GNG2: variants seen among roughly 807,000 people sequenced by gnomAD.
GNG2 encodes G protein subunit gamma 2, also known as guanine nucleotide-binding protein G(I)/G(S)/G(O) subunit gamma-2.
A neutral mutation model predicts 5.5 loss-of-function variants in GNG2; 5 were observed. That is an observed-to-expected ratio of 0.91 (90% CI 0.48 to 1.92). The LOEUF is 1.92. Among genes scored for constraint, GNG2 ranks in the 30% most tolerant of loss-of-function variants. GNG2 has a pLI of 0.01. For synonymous variants in GNG2, 28 were observed against 32.0 expected, an observed-to-expected ratio of 0.88 and a Z score of 0.42; for missense variants, 55 against 88.4, an observed-to-expected ratio of 0.62 and a Z score of 1.52.
At position 51,860,735 on chromosome 14, in the gene GNG2, G is replaced by A. The variant is rs1045225472; in HGVS notation, c.-126G>A. On this transcript the variant is annotated 5_prime_UTR_variant, in exon 1 of 4. Coordinates refer to ENST00000556766, the MANE Select transcript of GNG2 (RefSeq NM_053064.5). ...GGCTGCGCCGGAGCTCGCCTGCACA[G>A]ATCAGCTCCGGAGAGGGGAAAACCA... is the stretch of plus-strand genomic sequence containing the variant. 1.3e-5 allele frequency: 2 copies of A among 152,318 alleles called. No individual in the cohort carries two copies. The highest frequency in any genetic ancestry group is 4.8e-5 in the African/African-American group (2 of 41,448). The allele number at this position is 152,318 out of a possible 1,614,324, so 9.4% of individuals were successfully genotyped here. A position where few individuals can be genotyped will look rare whatever the true frequency, so the allele number is the denominator to read the frequency against.
intron 2 of GNG2, among the ~76,000 whole-genome samples, chr14:51,902,070 G>C (rs1402386110): frequency 2.7e-5 from 4 of 147,434 alleles, no homozygotes; most frequent in Non-Finnish European, 6.0e-5. Flanking sequence ...TTAGGATATA[G>C]TTAATTCAGC....
chr14:51,943,129 TG>T (rs1417758876), intron 2 of GNG2, among the ~76,000 whole-genome samples: 1 of 152,198 alleles, frequency 6.6e-6, no homozygotes, highest in Non-Finnish European at 1.5e-5. Flanking sequence ...AAAGCCAGTG[TG>T]GGCCCTACAA....
intron 3 of GNG2, among the ~76,000 whole-genome samples, chr14:51,954,111 A>G (rs911537098): frequency 6.6e-6 from 1 of 152,130 alleles, no homozygotes; most frequent in African/African-American, 2.4e-5. Flanking sequence ...TATGAATAAC[A>G]TAGTTACATG....
At chr14:51,873,309 A>G (rs1017234650) in intron 1 of GNG2, among the ~76,000 whole-genome samples, 5 of 152,236 alleles carry the variant, frequency 3.3e-5, no homozygotes, top group Non-Finnish European at 7.3e-5. Flanking sequence ...TTTAAAAAAC[A>G]AACACACTCA....
intron 2 of GNG2, among the ~76,000 whole-genome samples, chr14:51,906,849 G>C (rs1333718373): frequency 6.9e-6 from 1 of 144,090 alleles, no homozygotes. Context: ...TCCGCCTCCA[G>C]AGTTCACGCC....
upstream of GNG2, among the ~76,000 whole-genome samples, chr14:51,856,976 T>TC (rs1471686079): frequency 6.6e-6 from 1 of 152,166 alleles, no homozygotes; most frequent in African/African-American, 2.4e-5. Context: ...TTCCTTTTCC[T>TC]CCCCTCACTC....
chr14:51,892,614 T>C (rs887518917), intron 2 of GNG2, among the ~76,000 whole-genome samples: 5 of 152,192 alleles, frequency 3.3e-5, no homozygotes, highest in Non-Finnish European at 5.9e-5. Context: ...CTTTATTTTC[T>C]TTATCAGGTA....
chr14:51,911,545 C>CTT (rs200362776), intron 2 of GNG2, among the ~76,000 whole-genome samples: 256 of 143,014 alleles, frequency 1.8e-3, no homozygotes, highest in Non-Finnish European at 3.1e-3. Flanking sequence ...ATAATGATAG[C>CTT]TTTTTTTTTT....
At chr14:51,862,044 A>G (rs985569450) in intron 1 of GNG2, among the ~76,000 whole-genome samples, 1 of 152,206 alleles carries the variant, frequency 6.6e-6, no homozygotes. Context: ...TTGAGAGTGT[A>G]TGTATGTATA....
intron 2 of GNG2, among the ~76,000 whole-genome samples, chr14:51,935,316 C>T (rs7156066): frequency 0.29 from 43,562 of 151,822 alleles, 6,837 homozygotes; most frequent in Middle Eastern, 0.37. Context: ...TGAGCCACCA[C>T]GCCCAGCCCA....
rs1889979916 is a variant in GNG2, at chr14:51,967,196, C to T, written c.*509C>T. 1 of 154,598 alleles carries T rather than the reference C, an allele frequency of 6.5e-6. No individual in the cohort carries two copies. Among genetic ancestry groups the T allele is most frequent in the Non-Finnish European group, 1.4e-5 (1 of 69,772 alleles). 9.6% of individuals were successfully genotyped at this position (154,598 alleles called of 1,614,324 possible). On this transcript the variant is annotated 3_prime_UTR_variant, in exon 4 of 4. Transcript: ENST00000556766. Reference sequence around the variant, plus strand: ...CCTTCTCCTCTACCCCTCCTTCCACCCCTCCCCATTAGAGTAGTGTGGAGA... The same window carrying T: ...CCTTCTCCTCTACCCCTCCTTCCACTCCTCCCCATTAGAGTAGTGTGGAGA...
intron 1 of GNG2, among the ~76,000 whole-genome samples, chr14:51,866,511 A>G (rs1882900651): frequency 6.6e-6 from 1 of 152,116 alleles, no homozygotes; most frequent in Non-Finnish European, 1.5e-5. Flanking sequence ...TTTATTTTAG[A>G]TCATTTGAAT....
chr14:51,896,548 A>G (rs1319779392), intron 2 of GNG2, among the ~76,000 whole-genome samples: 1 of 152,210 alleles, frequency 6.6e-6, no homozygotes, highest in Non-Finnish European at 1.5e-5. Flanking sequence ...CCATAGAAAG[A>G]AGCCTAAGAG....
chr14:51,899,872 T>C lies in GNG2; in HGVS notation c.-30+22215T>C, dbSNP rs537222073. Among the ~76,000 whole-genome samples, 4 of 152,340 alleles carry C rather than the reference T, an allele frequency of 2.6e-5. No individual in the cohort carries two copies. The South Asian group carries it at 6.2e-4, about 24-fold the overall frequency. On this transcript the variant is annotated intron_variant, in intron 2 of 3. Coordinates refer to ENST00000556766, the MANE Select transcript of GNG2 (RefSeq NM_053064.5). ...CTTTTCACAGTGCAATAATATTCCA[T>C]TGGAAGTATTTGTCATGTTTTGTTT...
intron 2 of GNG2, chr14:51,916,328 G>T (rs1886618150): frequency 2.2e-5 from 8 of 358,356 alleles, no homozygotes; most frequent in South Asian, 1.0e-4. Flanking sequence ...TCCATTATTT[G>T]CCCCGTAGAG....
intron 2 of GNG2, among the ~76,000 whole-genome samples, chr14:51,844,659 G>C (rs1056691977): frequency 6.6e-6 from 1 of 152,168 alleles, no homozygotes; most frequent in African/African-American, 2.4e-5. Flanking sequence ...ACCTACCATA[G>C]TTTCCAGCTG....
rs941051509 is a variant in GNG2, at chr14:51,918,037, C to G, written c.-29-32613C>G. Among the ~76,000 whole-genome samples the G allele has an allele frequency of 7.5e-5, 7 of 93,886 alleles. No individual in the cohort carries two copies. In the East Asian group the frequency reaches 1.6e-3, roughly 21 times the overall value. 61.6% of individuals were successfully genotyped at this position (93,886 alleles called of 152,430 possible). A position where few individuals can be genotyped will look rare whatever the true frequency, so the allele number is the denominator to read the frequency against. ...AGAGACTCCATCTCAAAAAACAAAC[C>G]AAAAAAAAAAAAAAAAACTGATAAA... On this transcript the variant is annotated intron_variant, in intron 2 of 3. Coordinates refer to ENST00000556766, the MANE Select transcript of GNG2 (RefSeq NM_053064.5).
At position 51,834,146 on chromosome 14, in the gene GNG2, C is replaced by A. The variant is rs189615369; in HGVS notation, c.64+6339C>A. The stretch of plus-strand genomic sequence containing the variant: ...CTTTGAAATATATAACACATTGAAG[C>A]TTTTGGAGATGGGGGAAGAAGGGCA... On this transcript the variant is annotated intron_variant, in intron 2 of 3. Coordinates refer to the GNG2 transcript ENST00000553432. 7.0e-4 allele frequency among the ~76,000 whole-genome samples: 106 copies of A among 152,314 alleles called. 1 individual carries two copies. The highest frequency in any genetic ancestry group is 2.2e-3 in the African/African-American group (93 of 41,570).
chr14:51,899,414 T>C (rs2140176507), intron 2 of GNG2, among the ~76,000 whole-genome samples: 1 of 152,288 alleles, frequency 6.6e-6, no homozygotes, highest in African/African-American at 2.4e-5. Flanking sequence ...AAATTGAGGA[T>C]AGAGAAAGGA....
Sources: gnomAD v4.1 joint callset for allele counts (sites outside exome capture counted in the v4.1 genomes callset) on GRCh38, gnomAD v4.1.1 for gene constraint, MANE v1.5 for transcripts, NCBI Gene and HGNC (gene_info 2026-07-23, HGNC 2026-07-21) for gene names.